The following GPATCH2L variants were observed in gnomAD, a reference collection of about 807,000 sequenced individuals.
The protein encoded by GPATCH2L is G patch domain-containing protein 2-like.
A neutral mutation model predicts 57.4 loss-of-function variants in GPATCH2L; 31 were observed. That is an observed-to-expected ratio of 0.54 (90% CI 0.41 to 0.73). The LOEUF (loss-of-function observed/expected upper bound fraction) is 0.73, where lower values mean the gene tolerates loss of function less well. Ranked by LOEUF, GPATCH2L falls within the 30% of genes least tolerant of loss-of-function variation. The probability of loss-of-function intolerance (pLI) is 0.00; values close to 1 mark genes in which losing one functional copy is unlikely to be tolerated. For missense variants in GPATCH2L, 481 were observed against 599.9 expected (o/e 0.80, Z 2.07); for synonymous variants, 199 against 210.7 (o/e 0.94, Z 0.48).
intron 9 of GPATCH2L, among the ~76,000 whole-genome samples, chr14:76,198,701 G>C (rs2040228431): frequency 6.6e-6 from 1 of 152,132 alleles, no homozygotes; most frequent in Admixed American, 6.5e-5. Context: ...AGTTACATCA[G>C]GTTTCAAATA....
intron 1 of GPATCH2L, among the ~76,000 whole-genome samples, chr14:76,220,908 T>C (rs1333762502): frequency 2.6e-5 from 4 of 152,034 alleles, no homozygotes; most frequent in Non-Finnish European, 4.4e-5. Flanking sequence ...TTAAATGACA[T>C]CAAAACTTGC....
chr14:76,216,313 G>A (rs557271938), downstream of GPATCH2L, among the ~76,000 whole-genome samples: 5 of 152,252 alleles, frequency 3.3e-5, no homozygotes, highest in Non-Finnish European at 5.9e-5. Flanking sequence ...TATGCTACTT[G>A]TATGTTGCAA....
At position 76,154,568 on chromosome 14, in the gene GPATCH2L, C is replaced by G. The variant is rs754250805; in HGVS notation, c.205C>G (p.Leu69Val). The part of the protein sequence containing the change: ...CCYSEASESS[L>V]DEATKDCREV... ...CTACAGCGAGGCCTCTGAGTCAAGT[C>G]TGGATGAGGCCACTAAGGACTGTCG... Residue 69 changes from leucine to valine, a missense_variant, in exon 2 of 10, where the codon CTG (leucine) becomes GTG (valine). Around this residue, in one of 3 missense-constraint regions of GPATCH2L, gnomAD observed 208 missense variants for 272.4 expected, o/e 0.76. Coordinates refer to ENST00000261530, the MANE Select transcript of GPATCH2L (RefSeq NM_017926.4). This position sits in a 1 kb window ranked among gnomAD's most constrained non-coding sequence, Gnocchi z 4.4. The G allele has an allele frequency of 8.7e-6, 14 of 1,614,106 alleles. No homozygotes were observed. Among genetic ancestry groups the G allele is most frequent in the Non-Finnish European group, 1.2e-5 (14 of 1,180,032 alleles).
chr14:76,189,752 G>A (rs2039896753), intron 8 of GPATCH2L, among the ~76,000 whole-genome samples: 1 of 152,096 alleles, frequency 6.6e-6, no homozygotes, highest in South Asian at 2.1e-4. Flanking sequence ...TAACAGTGGT[G>A]AAGGTGGGCA....
At chr14:76,162,479 C>T (rs1279109032) in intron 2 of GPATCH2L, among the ~76,000 whole-genome samples, 5 of 152,162 alleles carry the variant, frequency 3.3e-5, no homozygotes, top group Non-Finnish European at 7.3e-5. Flanking sequence ...TACAGACCAT[C>T]CTGGTGCAGT....
intron 8 of GPATCH2L, among the ~76,000 whole-genome samples, chr14:76,191,122 ACT>A (rs1212517060): frequency 1.3e-5 from 2 of 151,436 alleles, no homozygotes; most frequent in African/African-American, 4.9e-5. Flanking sequence ...GGAAGTTCAG[ACT>A]CTCTATCCTT....
intron 8 of GPATCH2L, among the ~76,000 whole-genome samples, chr14:76,188,054 C>T (rs540726069): frequency 6.6e-6 from 1 of 152,184 alleles, no homozygotes; most frequent in South Asian, 2.1e-4. Flanking sequence ...GGATCTCATT[C>T]TTTTTTATGG....
In GPATCH2L at chr14:76,212,871, C is replaced by T. The variant is rs527811260; in HGVS notation, c.*11020C>T. On this transcript the variant is annotated 3_prime_UTR_variant, in exon 10 of 10. Transcript: ENST00000261530. The stretch of plus-strand genomic sequence containing the variant: ...TAAATTAAAGCCAGAAAACACTGCT[C>T]ATCTGCAATCCAAAATGTTTTTAAG... 11 of 152,184 alleles carry T rather than the reference C, an allele frequency of 7.2e-5. No individual in the cohort carries two copies. The East Asian group carries it at 1.4e-3, about 19-fold the overall frequency. 9.4% of individuals were successfully genotyped at this position (152,184 alleles called of 1,614,324 possible).
chr14:76,177,612 A>T (rs956876684), intron 6 of GPATCH2L, among the ~76,000 whole-genome samples: 7 of 151,260 alleles, frequency 4.6e-5, no homozygotes, highest in African/African-American at 1.7e-4. Context: ...CAGCTGAGAG[A>T]TCATTGGTGT....
At position 76,214,039 on chromosome 14, in the gene GPATCH2L, A is replaced by T. The variant is rs2139852819; in HGVS notation, c.*12188A>T. 6.6e-6 allele frequency: 1 copy of T among 151,784 alleles called. No individual in the cohort carries two copies. The highest frequency in any genetic ancestry group is 1.9e-4 in the East Asian group (1 of 5,158). 9.4% of individuals were successfully genotyped at this position (151,784 alleles called of 1,614,324 possible). A position where few individuals can be genotyped will look rare whatever the true frequency, so the allele number is the denominator to read the frequency against. On this transcript the variant is annotated 3_prime_UTR_variant, in exon 10 of 10. Coordinates refer to ENST00000261530, the MANE Select transcript of GPATCH2L (RefSeq NM_017926.4). ...ACTGGCAAGGCTAGTCCCCCTTATAATTTTTCCTATTGTGCTTCTGGCTAT... is the reference window on the plus strand; with the variant it reads ...ACTGGCAAGGCTAGTCCCCCTTATATTTTTTCCTATTGTGCTTCTGGCTAT...
intron 5 of GPATCH2L, chr14:76,173,908 A>G: frequency 2.4e-6 from 1 of 419,542 alleles, no homozygotes; most frequent in South Asian, 1.0e-4. Flanking sequence ...TGTCTTCTGT[A>G]ACTTTTGATT....
In GPATCH2L at chr14:76,208,991, A is replaced by C. The variant is rs1016724523; in HGVS notation, c.*7140A>C. 9.2e-5 allele frequency: 14 copies of C among 151,856 alleles called. No homozygotes were observed. Among genetic ancestry groups the C allele is most frequent in the African/African-American group, 3.4e-4 (14 of 41,318 alleles). The allele number at this position is 151,856 out of a possible 1,614,324, so 9.4% of individuals were successfully genotyped here. On this transcript the variant is annotated 3_prime_UTR_variant, in exon 10 of 10. Transcript: ENST00000261530. ...AATGTAGCTGAGGCTGAGAACCACC[A>C]CTCTAAAACCTGGCTGCTACCCTTG...
chr14:76,186,486 G>A (rs1196732633), intron 8 of GPATCH2L, among the ~76,000 whole-genome samples: 1 of 152,116 alleles, frequency 6.6e-6, no homozygotes, highest in African/African-American at 2.4e-5. Flanking sequence ...TTTACCTCAG[G>A]GCTTGGGGGA....
At chr14:76,172,351 C>A (rs1002280122) in intron 4 of GPATCH2L, among the ~76,000 whole-genome samples, 2 of 152,148 alleles carry the variant, frequency 1.3e-5, no homozygotes, top group African/African-American at 4.8e-5. Context: ...TGGAAGAGAA[C>A]AGATTTCAAT....
Position 76,221,841 on chromosome 14 carries a change from G to A in GPATCH2L, c.66-7967G>A, listed in dbSNP as rs373296235. 2.6e-5 allele frequency among the ~76,000 whole-genome samples: 4 copies of A among 152,144 alleles called. No homozygotes were observed. In the South Asian group the frequency reaches 8.3e-4, roughly 32 times the overall value. ...TGGGAAGGAGAGGTGAATAGGCAGA[G>A]CACAGAAGATTTTTAGGGCAGTGAA... On this transcript the variant is annotated intron_variant and NMD_transcript_variant, in intron 1 of 3. Coordinates refer to the GPATCH2L transcript ENST00000556372.
chr14:76,179,398 A>T (rs555354798), intron 7 of GPATCH2L: 30 of 152,378 alleles, frequency 2.0e-4, no homozygotes, highest in African/African-American at 7.2e-4. Context: ...GAAAGTCATG[A>T]AGGTGGTATG....
downstream of GPATCH2L, among the ~76,000 whole-genome samples, chr14:76,219,177 T>C (rs142688242): frequency 2.6e-5 from 4 of 152,224 alleles, no homozygotes; most frequent in African/African-American, 9.6e-5. Context: ...AATGAGAACT[T>C]GGGCAAGAAA....
At chr14:76,170,032 G>C (rs970246488) in intron 3 of GPATCH2L, among the ~76,000 whole-genome samples, 7 of 152,192 alleles carry the variant, frequency 4.6e-5, no homozygotes, top group African/African-American at 1.4e-4. Context: ...TGCTGCTTCA[G>C]ATGCATGCTC....
At chr14:76,201,585 ATAAGGATTAAGAAAATTTTTTTTC>A in intron 9 of GPATCH2L, 82 bp from the exon 10 acceptor site, 1 of 764,884 alleles carries the variant, frequency 1.3e-6, no homozygotes, top group Non-Finnish European at 2.0e-6. Context: ...GACATGAAGT[ATAAGGATTAAGAAAATTTTTTTTC>A]TAAGTATCTC....
Sources: allele counts gnomAD v4.1 joint callset (sites outside exome capture counted in the v4.1 genomes callset), GRCh38; gene constraint gnomAD v4.1.1; regional missense constraint gnomAD v4.1.1; non-coding constraint Gnocchi (gnomAD v3.1); transcripts MANE v1.5; gene names NCBI Gene and HGNC (gene_info 2026-07-23, HGNC 2026-07-21).